Variants in MYOCD observed in about 807,000 individuals in gnomAD.
MYOCD encodes the protein myocardin.
In MYOCD, 32 loss-of-function variants were observed where a neutral mutation model predicts 96.1. That is an observed-to-expected ratio of 0.33 (90% CI 0.25 to 0.45). The LOEUF is 0.45. Ranked by LOEUF, MYOCD falls within the 20% of genes least tolerant of loss-of-function variation. The probability of loss-of-function intolerance (pLI) is 1.00; values close to 1 mark genes in which losing one functional copy is unlikely to be tolerated. For synonymous variants in MYOCD, 469 were observed against 469.0 expected (o/e 1.00, Z 0.00); for missense variants, 1,133 against 1,200.6 (o/e 0.94, Z 0.83).
intron 10 of MYOCD, among the ~76,000 whole-genome samples, chr17:12,754,061 G>GGGGTGTGTGTGT (rs368449638): frequency 1.3e-5 from 2 of 149,592 alleles, no homozygotes; most frequent in Non-Finnish European, 3.0e-5. Flanking sequence ...AAAGCAAAGA[G>GGGGTGTGTGTGT]GTGTGTGTGT....
At chr17:12,746,822 G>A (rs964506100) in intron 9 of MYOCD, among the ~76,000 whole-genome samples, 2 of 141,958 alleles carry the variant, frequency 1.4e-5, no homozygotes, top group Admixed American at 7.8e-5. Flanking sequence ...TCTGCTTCCC[G>A]GCTTCAAGCG....
At chr17:12,732,140 G>C (rs980190186) in intron 5 of MYOCD, among the ~76,000 whole-genome samples, 7 of 152,118 alleles carry the variant, frequency 4.6e-5, no homozygotes, top group African/African-American at 1.7e-4. Flanking sequence ...GTTTACGCAG[G>C]TGTAAACCCG....
At chr17:12,738,909 C>G (rs2032423184) in intron 6 of MYOCD, among the ~76,000 whole-genome samples, 1 of 151,374 alleles carries the variant, frequency 6.6e-6, no homozygotes, top group African/African-American at 2.4e-5. Context: ...TAGAATGATT[C>G]CCTTTCTCTC....
chr17:12,746,140 A>G, intron 9 of MYOCD, 68 bp downstream of exon 9: 1 of 1,509,596 alleles, frequency 6.6e-7, no homozygotes, highest in Non-Finnish European at 9.1e-7. Context: ...TAACATCACC[A>G]GGACCAACTG....
chr17:12,750,647 C>T (rs1322807956), intron 9 of MYOCD, among the ~76,000 whole-genome samples: 1 of 152,098 alleles, frequency 6.6e-6, no homozygotes, highest in African/African-American at 2.4e-5. Flanking sequence ...CGAGATTATG[C>T]CGCTGCACTC....
intron 2 of MYOCD, among the ~76,000 whole-genome samples, chr17:12,708,429 T>C (rs1342071289): frequency 6.6e-6 from 1 of 152,048 alleles, no homozygotes; most frequent in African/African-American, 2.4e-5. Context: ...AGTCTCACTG[T>C]GTCGCCCAGG....
At chr17:12,720,462 G>A (rs1327633153) in intron 4 of MYOCD, 4 of 152,062 alleles carry the variant, frequency 2.6e-5, no homozygotes, top group Admixed American at 6.5e-5. Flanking sequence ...AAAGAACCAG[G>A]TATATATCCC....
intron 1 of MYOCD, among the ~76,000 whole-genome samples, chr17:12,692,328 G>T (rs2030494166): frequency 6.6e-6 from 1 of 152,208 alleles, no homozygotes; most frequent in Non-Finnish European, 1.5e-5. Context: ...GGGCTTTCTT[G>T]TGAAGCAGCC....
At chr17:12,761,839 G>T (rs542549648) in intron 13 of MYOCD, 34 of 152,464 alleles carry the variant, frequency 2.2e-4, no homozygotes, top group African/African-American at 7.2e-4. Flanking sequence ...TGGCCAGGAT[G>T]GTCTCAATCT....
Position 12,766,784 on chromosome 17 carries a change from C to T in MYOCD, c.*3140C>T, listed in dbSNP as rs1229665062. 6.6e-6 allele frequency: 1 copy of T among 152,174 alleles called. No individual in the cohort carries two copies. The highest frequency in any genetic ancestry group is 1.5e-5 in the Non-Finnish European group (1 of 68,040). The allele number at this position is 152,174 out of a possible 1,614,324, so 9.4% of individuals were successfully genotyped here. A position where few individuals can be genotyped will look rare whatever the true frequency, so the allele number is the denominator to read the frequency against. On this transcript the variant is annotated 3_prime_UTR_variant, in exon 14 of 14. Coordinates refer to ENST00000425538, the MANE Select transcript of MYOCD (RefSeq NM_001146312.3). ...CTCTGAACCCCCATGGTGATGAAGA[C>T]TTGAAGACATTTGCAGCTATCTGCT...
chr17:12,756,007 A>G (rs770830470), intron 10 of MYOCD, among the ~76,000 whole-genome samples: 1 of 152,252 alleles, frequency 6.6e-6, no homozygotes, highest in Non-Finnish European at 1.5e-5. Context: ...GGAAGCTTTC[A>G]TGAAGGGGTT....
At chr17:12,725,427 A>G (rs2031967545) in intron 5 of MYOCD, among the ~76,000 whole-genome samples, 1 of 148,720 alleles carries the variant, frequency 6.7e-6, no homozygotes, top group South Asian at 2.1e-4. Flanking sequence ...TAAATTATAT[A>G]TTATAAAGTA....
chr17:12,671,854 G>C (rs1909727146), intron 1 of MYOCD: 1 of 152,348 alleles, frequency 6.6e-6, no homozygotes, highest in Admixed American at 6.5e-5. Context: ...GGAGATGCTA[G>C]AACAGGCTGC....
intron 5 of MYOCD, among the ~76,000 whole-genome samples, chr17:12,730,434 G>A (rs973412285): frequency 3.0e-5 from 4 of 132,458 alleles, no homozygotes; most frequent in South Asian, 2.3e-4. Context: ...GGCGATGAGC[G>A]AAACTCCATC....
At chr17:12,736,420 C>T (rs2032348101) in intron 6 of MYOCD, 84 bp downstream of exon 6, 1 of 1,414,836 alleles carries the variant, frequency 7.1e-7, no homozygotes. Flanking sequence ...ACACTGTTAA[C>T]AGCTGGTTTT....
intron 1 of MYOCD, among the ~76,000 whole-genome samples, chr17:12,667,521 G>C (rs1271668243): frequency 6.6e-6 from 1 of 152,172 alleles, no homozygotes; most frequent in Admixed American, 6.5e-5. Flanking sequence ...CCACTGCGTT[G>C]TATTCGGTCA....
chr17:12,683,004 G>A (rs1010335941), intron 1 of MYOCD, among the ~76,000 whole-genome samples: 1 of 152,114 alleles, frequency 6.6e-6, no homozygotes, highest in Non-Finnish European at 1.5e-5. Context: ...TCATCAAACT[G>A]AACGACAGGA....
intron 1 of MYOCD, among the ~76,000 whole-genome samples, chr17:12,684,236 TGA>T (rs1374704000): frequency 6.6e-6 from 1 of 152,186 alleles, no homozygotes; most frequent in Non-Finnish European, 1.5e-5. Flanking sequence ...TGGATCATGA[TGA>T]GAGTCTCCAA....
Position 12,758,136 on chromosome 17 carries a change from T to A in MYOCD, c.2254T>A (p.Ser752Thr). Residue 752 changes from serine (S) to threonine (T), a missense_variant, in exon 12 of 14, where the codon TCC becomes ACC. Ser to Thr is a moderately conservative substitution (Grantham distance 58). Transcript: ENST00000425538. Reference sequence around the variant, plus strand: ...GGTGGGGCCAAAGTTTTCAATTCCATCCCCAACTTTTTCTAAGTCAAGTTC... The same window carrying A: ...GGTGGGGCCAAAGTTTTCAATTCCAACCCCAACTTTTTCTAAGTCAAGTTC... ...DKVGPKFSIP[S>T]PTFSKSSSAI... The A allele has an allele frequency of 6.2e-7, 1 of 1,614,102 alleles. No individual in the cohort carries two copies. Among genetic ancestry groups the A allele is most frequent in the Non-Finnish European group, 8.5e-7 (1 of 1,180,008 alleles).
Sources: allele counts gnomAD v4.1 joint callset (sites outside exome capture counted in the v4.1 genomes callset), GRCh38; gene constraint gnomAD v4.1.1; transcripts MANE v1.5; gene names NCBI Gene and HGNC (gene_info 2026-07-23, HGNC 2026-07-21).